Variants in CLSTN2 observed in about 807,000 individuals in gnomAD.
The protein encoded by CLSTN2 is calsyntenin 2.
Under a neutral mutation model 101.2 loss-of-function variants are expected in CLSTN2, and 48 were observed. The ratio of observed to expected loss-of-function variants is 0.47; its 90% CI spans 0.38 to 0.60. The LOEUF is 0.60. CLSTN2 is among the 20% of genes least tolerant of loss of function. The probability of loss-of-function intolerance (pLI) is 0.00; values close to 1 mark genes in which losing one functional copy is unlikely to be tolerated. For synonymous variants in CLSTN2, 481 were observed against 463.6 expected (o/e 1.04, Z -0.48); for missense variants, 1,160 against 1,238.2 (o/e 0.94, Z 0.95).
intron 2 of CLSTN2, among the ~76,000 whole-genome samples, chr3:140,364,912 A>C (rs2087769532): frequency 6.6e-6 from 1 of 152,224 alleles, no homozygotes; most frequent in Admixed American, 6.5e-5. Flanking sequence ...CTGTTCTTAC[A>C]GAATGTAATG....
intron 1 of CLSTN2, among the ~76,000 whole-genome samples, chr3:139,955,159 A>G (rs1426046): frequency 0.045 from 5,122 of 114,154 alleles, 344 homozygotes; most frequent in African/African-American, 0.15. Flanking sequence ...AGTCACTGAA[A>G]TATAACATCT....
chr3:139,957,296 C>T (rs1935424415), intron 1 of CLSTN2, among the ~76,000 whole-genome samples: 1 of 152,142 alleles, frequency 6.6e-6, no homozygotes, highest in African/African-American at 2.4e-5. Flanking sequence ...ACTCTCCCAG[C>T]AGGATCTGGG....
intron 1 of CLSTN2, among the ~76,000 whole-genome samples, chr3:139,947,976 G>A (rs1935239097): frequency 6.6e-6 from 1 of 152,014 alleles, no homozygotes; most frequent in Non-Finnish European, 1.5e-5. Flanking sequence ...TAAAACCATA[G>A]CTTTTCCTTC....
Position 140,448,616 on chromosome 3 carries a change from C to A in CLSTN2, c.885C>A (p.Leu295=), listed in dbSNP as rs1339426054. 2 of 1,613,956 alleles carry A rather than the reference C, an allele frequency of 1.2e-6. No individual in the cohort carries two copies. Among genetic ancestry groups the A allele is most frequent in the Non-Finnish European group, 1.7e-6 (2 of 1,179,992 alleles). The change falls in exon 6 of 17, where the codon CTC becomes CTA. Residue 295 remains leucine (L), a synonymous_variant. Transcript: ENST00000458420. ...CGTGCGATGGAGCCGTGTCTTCCCT[C>A]CAGATCGTCACAGAGCTGCAGACTA... ...LETCDGAVSS[L]QIVTELQTNY...
intron 1 of CLSTN2, among the ~76,000 whole-genome samples, chr3:139,959,535 G>C (rs1005873567): frequency 6.6e-6 from 1 of 152,104 alleles, no homozygotes; most frequent in Non-Finnish European, 1.5e-5. Context: ...AAACTCAGAG[G>C]ATTCTTTGGG....
At chr3:140,419,297 AC>A (rs542790502) in intron 4 of CLSTN2, among the ~76,000 whole-genome samples, 111 of 150,156 alleles carry the variant, frequency 7.4e-4, no homozygotes, top group Middle Eastern at 3.4e-3. Context: ...AGCCTGGCCA[AC>A]ATGGCGAAAC....
At position 140,175,932 on chromosome 3, in the gene CLSTN2, T is replaced by C; in HGVS notation, c.110-19T>C. 1 of 1,604,402 alleles carries C rather than the reference T, an allele frequency of 6.2e-7. No homozygotes were observed. Among genetic ancestry groups the C allele is most frequent in the Non-Finnish European group, 8.5e-7 (1 of 1,174,210 alleles). On this transcript the variant is annotated intron_variant, in intron 1 of 16. Transcript: ENST00000458420. Reference sequence around the variant, plus strand: ...ATTTAAATAATGATCCTTTTTGTTTTTTCCCCCTTATTTTCTAGTCAATAA... The same window carrying C: ...ATTTAAATAATGATCCTTTTTGTTTCTTCCCCCTTATTTTCTAGTCAATAA...
intron 9 of CLSTN2, among the ~76,000 whole-genome samples, chr3:140,534,334 C>A (rs950604300): frequency 3.3e-5 from 5 of 152,180 alleles, no homozygotes; most frequent in Non-Finnish European, 7.3e-5. Flanking sequence ...GAATCCCTGT[C>A]ACCCCAGTGT....
chr3:140,289,419 A>C (rs1411506796), intron 2 of CLSTN2, among the ~76,000 whole-genome samples: 1 of 151,788 alleles, frequency 6.6e-6, no homozygotes, highest in Admixed American at 6.6e-5. Context: ...TTGTATTTTT[A>C]AAATTTGGAG....
intron 2 of CLSTN2, 139 bp from the exon 3 acceptor site, chr3:140,403,490 T>A (rs1261430639): frequency 1.4e-6 from 1 of 721,364 alleles, no homozygotes; most frequent in Non-Finnish European, 2.4e-6. Context: ...ATGCTGATGC[T>A]GCTGGCTCGT....
At chr3:140,334,211 G>T (rs368160737) in intron 2 of CLSTN2, among the ~76,000 whole-genome samples, 1 of 152,160 alleles carries the variant, frequency 6.6e-6, no homozygotes, top group South Asian at 2.1e-4. Context: ...GCATCCAAAT[G>T]CTACCCTAGA....
rs146904264 is a variant in CLSTN2 at position 140,422,382 on chromosome 3, T to C, written c.787+1108T>C. Among the ~76,000 whole-genome samples, 530 of 152,284 alleles carry C rather than the reference T, an allele frequency of 3.5e-3. 3 individuals are homozygous for C. Among genetic ancestry groups the C allele is most frequent in the African/African-American group, 0.012 (518 of 41,536 alleles). On this transcript the variant is annotated intron_variant, in intron 5 of 16. Transcript: ENST00000458420. ...CCTAATCCAATTCATCAGGGTCAGA[T>C]TGGCAGGACATCATGGTACAAAGTA...
rs1186962374 is a variant in CLSTN2, at chr3:140,171,848, TATA to T, written c.110-4102_110-4100del. On this transcript the variant is annotated intron_variant, in intron 1 of 16. Transcript: ENST00000458420. ...TATATAATAACAATATATAATATAA[TATA>T]TATATTATATAATAACAATATATAA... Among the ~76,000 whole-genome samples, 26 of 116,924 alleles carry T rather than the reference TATA, an allele frequency of 2.2e-4. 1 individual carries two copies. The highest frequency in any genetic ancestry group is 8.9e-4 in the African/African-American group (26 of 29,374). 76.7% of individuals were successfully genotyped at this position (116,924 alleles called of 152,430 possible). A position where few individuals can be genotyped will look rare whatever the true frequency, so the allele number is the denominator to read the frequency against.
intron 1 of CLSTN2, among the ~76,000 whole-genome samples, chr3:139,993,299 C>T (rs957702698): frequency 7.2e-5 from 11 of 152,280 alleles, no homozygotes; most frequent in African/African-American, 1.7e-4. Context: ...GGTTCTAGCA[C>T]TGGTTCCAAG....
chr3:140,418,972 C>T (rs2088461716), intron 4 of CLSTN2, among the ~76,000 whole-genome samples: 1 of 151,872 alleles, frequency 6.6e-6, no homozygotes, highest in Non-Finnish European at 1.5e-5. Flanking sequence ...TGTGCAGCAC[C>T]TGCTCATGGC....
At chr3:140,135,266 T>A (rs953590532) in intron 1 of CLSTN2, among the ~76,000 whole-genome samples, 1 of 151,550 alleles carries the variant, frequency 6.6e-6, no homozygotes, top group East Asian at 1.9e-4. Flanking sequence ...TTTTGTTTCC[T>A]TCTGTGTTTC....
At chr3:140,160,586 T>G (rs1448292728) in intron 1 of CLSTN2, among the ~76,000 whole-genome samples, 1 of 152,160 alleles carries the variant, frequency 6.6e-6, no homozygotes, top group African/African-American at 2.4e-5. Flanking sequence ...GTTTACTGTC[T>G]GCCGATTTCT....
chr3:140,557,374 A>G (rs1183512262), intron 11 of CLSTN2, among the ~76,000 whole-genome samples: 1 of 152,210 alleles, frequency 6.6e-6, no homozygotes, highest in Admixed American at 6.5e-5. Flanking sequence ...GGCACCAGAA[A>G]AAAACCCCGC....
At chr3:140,042,771 G>A (rs1367949837) in intron 1 of CLSTN2, among the ~76,000 whole-genome samples, 1 of 152,148 alleles carries the variant, frequency 6.6e-6, no homozygotes, top group Non-Finnish European at 1.5e-5. Flanking sequence ...AGAACATGTG[G>A]TGTTTGGTTT....
Sources: allele counts gnomAD v4.1 joint callset (sites outside exome capture counted in the v4.1 genomes callset), GRCh38; gene constraint gnomAD v4.1.1; transcripts MANE v1.5; gene names NCBI Gene and HGNC (gene_info 2026-07-23, HGNC 2026-07-21).